IFT88: variants seen among roughly 807,000 people sequenced by gnomAD.
IFT88 encodes intraflagellar transport protein 88 homolog.
Under a neutral mutation model 119.5 loss-of-function variants are expected in IFT88, and 74 were observed. The ratio of observed to expected loss-of-function variants is 0.62; its 90% CI spans 0.51 to 0.75. IFT88 has a LOEUF of 0.75. IFT88 is among the 30% of genes least tolerant of loss of function. The pLI, the probability that IFT88 is intolerant of heterozygous loss-of-function variation, is 0.00. For missense variants in IFT88, 961 were observed against 977.7 expected, an observed-to-expected ratio of 0.98 and a Z score of 0.23; for synonymous variants, 279 against 316.7, an observed-to-expected ratio of 0.88 and a Z score of 1.26.
intron 24 of IFT88, among the ~76,000 whole-genome samples, chr13:20,674,721 TA>T (rs1247664576): frequency 0.093 from 2,754 of 29,694 alleles, 93 homozygotes; most frequent in African/African-American, 0.3. Flanking sequence ...TATATATATA[TA>T]TATTTTTTTT....
intron 3 of IFT88, among the ~76,000 whole-genome samples, chr13:20,586,907 AT>A (rs5802080): frequency 2.0e-4 from 30 of 151,674 alleles, no homozygotes; most frequent in African/African-American, 6.8e-4. Flanking sequence ...GTTTTTTCCC[AT>A]TTTTTTTAAC....
At chr13:20,641,612 A>G (rs2049973625) in intron 18 of IFT88, 1 of 384,216 alleles carries the variant, frequency 2.6e-6, no homozygotes, top group Non-Finnish European at 4.7e-6. Flanking sequence ...TTAATGGTTA[A>G]AACTATTATT....
At chr13:20,661,632 G>A (rs2053801997) in intron 22 of IFT88, among the ~76,000 whole-genome samples, 1 of 151,942 alleles carries the variant, frequency 6.6e-6, no homozygotes, top group Admixed American at 6.6e-5. Flanking sequence ...CTACTCAGGA[G>A]GCTGAGGCAG....
At chr13:20,652,283 C>T (rs2051872617) in intron 20 of IFT88, among the ~76,000 whole-genome samples, 1 of 152,028 alleles carries the variant, frequency 6.6e-6, no homozygotes, top group African/African-American at 2.4e-5. Context: ...GTATTGTGTC[C>T]TTTAAGTAGG....
chr13:20,620,754 T>C (rs1220721190), intron 14 of IFT88, among the ~76,000 whole-genome samples: 2 of 151,972 alleles, frequency 1.3e-5, no homozygotes, highest in African/African-American at 2.4e-5. Flanking sequence ...TTAGTAGAGA[T>C]GGGGTTTCAC....
At chr13:20,641,822 T>G (rs1192846653) in intron 18 of IFT88, 1 of 156,264 alleles carries the variant, frequency 6.4e-6, no homozygotes, top group African/African-American at 2.4e-5. Context: ...TCTTACTTTT[T>G]TAGCTGGCCT....
At chr13:20,607,379 A>C (rs2043670962) in intron 13 of IFT88, 2 of 597,222 alleles carry the variant, frequency 3.3e-6, no homozygotes, top group Admixed American at 4.0e-5. Context: ...CATTAAGGCC[A>C]CCATGCCCAT....
chr13:20,684,096 T>C (rs1326023652), intron 24 of IFT88, among the ~76,000 whole-genome samples: 2 of 152,236 alleles, frequency 1.3e-5, no homozygotes, highest in Non-Finnish European at 2.9e-5. Context: ...CTTTGAGGAA[T>C]TTAAAAGGAA....
At chr13:20,608,587 A>G (rs1382283380) in intron 13 of IFT88, among the ~76,000 whole-genome samples, 2 of 152,168 alleles carry the variant, frequency 1.3e-5, no homozygotes, top group Non-Finnish European at 2.9e-5. Flanking sequence ...GGGGGTGTCC[A>G]GGGCGGTGCT....
At chr13:20,620,331 T>C (rs1322974829) in intron 14 of IFT88, among the ~76,000 whole-genome samples, 1 of 152,224 alleles carries the variant, frequency 6.6e-6, no homozygotes, top group Non-Finnish European at 1.5e-5. Context: ...AGTGACTATA[T>C]ATTGGTCTGT....
chr13:20,621,809 C>T (rs1465469564), intron 14 of IFT88, among the ~76,000 whole-genome samples: 4 of 152,076 alleles, frequency 2.6e-5, no homozygotes, highest in Admixed American at 6.6e-5. Flanking sequence ...GGGGTTTTGA[C>T]AAATACATGA....
intron 15 of IFT88, among the ~76,000 whole-genome samples, chr13:20,627,598 G>A (rs565184503): frequency 1.3e-5 from 2 of 152,068 alleles, no homozygotes; most frequent in South Asian, 4.2e-4. Flanking sequence ...GGGCGTGGTG[G>A]CATGCGCCTG....
chr13:20,630,067 A>G (rs559629993), intron 15 of IFT88, among the ~76,000 whole-genome samples: 1 of 152,280 alleles, frequency 6.6e-6, no homozygotes, highest in Non-Finnish European at 1.5e-5. Flanking sequence ...TTATATTTGG[A>G]TCTACTTTAG....
Position 20,601,853 on chromosome 13 carries a change from C to G in IFT88, c.961C>G (p.Arg321Gly). 1 of 1,612,664 alleles carries G rather than the reference C, an allele frequency of 6.2e-7. No homozygotes were observed. The highest frequency in any genetic ancestry group is 8.5e-7 in the Non-Finnish European group (1 of 1,178,946). ...LTICYFAIGD[R>G]EKMKKAFQKL... ...TATCTGTTATTTTGCTATTGGAGAC[C>G]GAGAAAAAATGAAGAAGGCATTCCA... The change falls in exon 12 of 26, where the codon CGA becomes GGA. Residue 321 changes from arginine to glycine, a missense_variant. By Grantham distance (125) the Arg-to-Gly change is moderately radical. Coordinates refer to ENST00000351808, the MANE Select transcript of IFT88 (RefSeq NM_006531.5).
intron 20 of IFT88, among the ~76,000 whole-genome samples, chr13:20,651,782 A>G (rs1019512853): frequency 1.3e-5 from 2 of 152,134 alleles, no homozygotes; most frequent in Non-Finnish European, 2.9e-5. Context: ...AAAAAATAGT[A>G]TATATAGGGT....
intron 22 of IFT88, among the ~76,000 whole-genome samples, chr13:20,662,917 A>AT (rs1386892023): frequency 6.6e-6 from 1 of 152,196 alleles, no homozygotes; most frequent in Admixed American, 6.5e-5. Context: ...GTGATCGAAG[A>AT]TTTTGTTGTT....
At chr13:20,576,455 GGA>G (rs750030195) in intron 2 of IFT88, among the ~76,000 whole-genome samples, 39 of 152,252 alleles carry the variant, frequency 2.6e-4, no homozygotes, top group Admixed American at 7.2e-4. Flanking sequence ...CCAGTGTCCT[GGA>G]GAGTTTCCCT....
intron 2 of IFT88, among the ~76,000 whole-genome samples, chr13:20,582,436 C>T (rs990718886): frequency 2.0e-5 from 3 of 152,142 alleles, no homozygotes; most frequent in African/African-American, 7.2e-5. Context: ...CAGTCTGCGT[C>T]TCAGACTTGA....
At chr13:20,634,725 C>A (rs1340159296) in intron 16 of IFT88, among the ~76,000 whole-genome samples, 4 of 142,000 alleles carry the variant, frequency 2.8e-5, no homozygotes, top group African/African-American at 1.1e-4. Flanking sequence ...GAGACTCCAT[C>A]TCAAACAAAC....
Sources: allele counts gnomAD v4.1 joint callset (sites outside exome capture counted in the v4.1 genomes callset), GRCh38; gene constraint gnomAD v4.1.1; transcripts MANE v1.5; gene names NCBI Gene and HGNC (gene_info 2026-07-23, HGNC 2026-07-21).